Variants in SYT1 observed in about 807,000 individuals in gnomAD.
SYT1 encodes the protein synaptotagmin-1.
Under a neutral mutation model 44.8 loss-of-function variants are expected in SYT1, and 8 were observed. That is an observed-to-expected ratio of 0.18 (90% CI 0.10 to 0.32). The LOEUF is 0.32. SYT1 is among the 10% of genes least tolerant of loss of function. The pLI, the probability that SYT1 is intolerant of heterozygous loss-of-function variation, is 1.00. For synonymous variants in SYT1, 154 were observed against 188.8 expected (o/e 0.82, Z 1.51); for missense variants, 286 against 509.3 (o/e 0.56, Z 4.22).
At chr12:79,245,270 C>A (rs1452499966) in intron 4 of SYT1, among the ~76,000 whole-genome samples, 1 of 147,146 alleles carries the variant, frequency 6.8e-6, no homozygotes, top group East Asian at 2.0e-4. Flanking sequence ...TCCTGACCAT[C>A]CTGGCTAACA....
intron 1 of SYT1, among the ~76,000 whole-genome samples, chr12:78,954,075 C>A (rs1394603401): frequency 6.6e-6 from 1 of 152,048 alleles, no homozygotes; most frequent in Non-Finnish European, 1.5e-5. Flanking sequence ...GCTGCTACTT[C>A]ATTTGTGGCC....
intron 3 of SYT1, among the ~76,000 whole-genome samples, chr12:79,165,818 G>T (rs1871193374): frequency 6.6e-6 from 1 of 151,902 alleles, no homozygotes; most frequent in Admixed American, 6.6e-5. Flanking sequence ...TACATATTAG[G>T]TATGTTACAA....
chr12:79,447,359 T>C (rs1870794962), intron 10 of SYT1, among the ~76,000 whole-genome samples: 1 of 152,298 alleles, frequency 6.6e-6, no homozygotes, highest in East Asian at 1.9e-4. Context: ...CTTCTGTCTT[T>C]CTCTATCCCT....
chr12:79,399,176 A>T (rs1167076194), intron 9 of SYT1, among the ~76,000 whole-genome samples: 2 of 152,306 alleles, frequency 1.3e-5, no homozygotes, highest in East Asian at 3.9e-4. Flanking sequence ...ATGAATAAGA[A>T]GGAATATTCA....
At chr12:79,448,603 A>C (rs1325734728) in intron 10 of SYT1, among the ~76,000 whole-genome samples, 1 of 152,208 alleles carries the variant, frequency 6.6e-6, no homozygotes, top group African/African-American at 2.4e-5. Flanking sequence ...TCTGAAAACC[A>C]AACAACTCAT....
chr12:79,050,938 T>C (rs895053641), intron 3 of SYT1, among the ~76,000 whole-genome samples: 15 of 152,068 alleles, frequency 9.9e-5, no homozygotes, highest in Non-Finnish European at 1.6e-4. Flanking sequence ...AGGTCACCTA[T>C]TCTAATATTT....
chr12:79,022,202 C>T (rs1054716394), intron 2 of SYT1, among the ~76,000 whole-genome samples: 1 of 151,674 alleles, frequency 6.6e-6, no homozygotes, highest in Non-Finnish European at 1.5e-5. Context: ...CTGTGGAGAG[C>T]CATTATCTCA....
chr12:79,002,244 A>G (rs1027371021), intron 2 of SYT1, among the ~76,000 whole-genome samples: 5 of 152,150 alleles, frequency 3.3e-5, no homozygotes, highest in Non-Finnish European at 5.9e-5. Context: ...TTAAGCAAGA[A>G]CAAAGTGCAT....
chr12:79,308,525 G>GAAGA (rs1565901124), intron 8 of SYT1, among the ~76,000 whole-genome samples: 5 of 115,000 alleles, frequency 4.3e-5, no homozygotes, highest in African/African-American at 1.7e-4. Context: ...AAGAAAGAAA[G>GAAGA]AAGAAATAAA....
chr12:79,112,047 A>C (rs1879042845), intron 3 of SYT1, among the ~76,000 whole-genome samples: 2 of 151,874 alleles, frequency 1.3e-5, no homozygotes, highest in South Asian at 4.1e-4. Flanking sequence ...AAACACAAAG[A>C]ACTGCAATTC....
At position 79,450,115 on chromosome 12, in the gene SYT1, A is replaced by G. The variant is rs182819671; in HGVS notation, c.*991A>G. Reference sequence around the variant, plus strand: ...TTCTGTTCCAGATTTCACACCTACAATAATTCCAAAAGGTTTGCACATTAG... The same window carrying G: ...TTCTGTTCCAGATTTCACACCTACAGTAATTCCAAAAGGTTTGCACATTAG... On this transcript the variant is annotated 3_prime_UTR_variant, in exon 11 of 11. Transcript: ENST00000261205. 6.6e-6 allele frequency: 1 copy of G among 152,628 alleles called. No individual in the cohort carries two copies. Among genetic ancestry groups the G allele is most frequent in the Admixed American group, 6.5e-5 (1 of 15,298 alleles). The allele number at this position is 152,628 out of a possible 1,614,324, so 9.5% of individuals were successfully genotyped here. A position where few individuals can be genotyped will look rare whatever the true frequency, so the allele number is the denominator to read the frequency against.
At chr12:79,075,943 T>G (rs140675163) in intron 3 of SYT1, among the ~76,000 whole-genome samples, 202 of 152,252 alleles carry the variant, frequency 1.3e-3, no homozygotes, top group African/African-American at 4.7e-3. Flanking sequence ...TTCTAACCCA[T>G]AGCTAGGTTT....
chr12:79,043,560 T>C (rs930872012), intron 2 of SYT1, among the ~76,000 whole-genome samples: 51 of 151,404 alleles, frequency 3.4e-4, no homozygotes, highest in Admixed American at 2.3e-3. Context: ...AGCACACTGA[T>C]GGGTCTTGAC....
chr12:79,320,144 A>G (rs1356464952), intron 8 of SYT1, among the ~76,000 whole-genome samples: 2 of 152,200 alleles, frequency 1.3e-5, no homozygotes, highest in Non-Finnish European at 2.9e-5. Context: ...CCCAAAATTT[A>G]AAACTTTTTA....
chr12:79,103,512 T>TA (rs2138060950), intron 3 of SYT1, among the ~76,000 whole-genome samples: 1 of 152,132 alleles, frequency 6.6e-6, no homozygotes, highest in South Asian at 2.1e-4. Context: ...AAATTTTTTT[T>TA]AAAAAACTGA....
At chr12:79,372,442 C>G (rs1883828345) in intron 9 of SYT1, among the ~76,000 whole-genome samples, 1 of 152,140 alleles carries the variant, frequency 6.6e-6, no homozygotes, top group Non-Finnish European at 1.5e-5. Flanking sequence ...CACAGCCTAG[C>G]TATGTTGTTG....
intron 3 of SYT1, among the ~76,000 whole-genome samples, chr12:79,137,120 A>T (rs1349836374): frequency 6.6e-6 from 1 of 150,458 alleles, no homozygotes; most frequent in Admixed American, 6.6e-5. Context: ...CCCAAGATGG[A>T]GTTTCACTCT....
At chr12:79,089,863 G>T (rs887935870) in intron 3 of SYT1, among the ~76,000 whole-genome samples, 2 of 152,010 alleles carry the variant, frequency 1.3e-5, no homozygotes, top group African/African-American at 4.8e-5. Context: ...CCCCTGTGCA[G>T]GTTCATTTAT....
chr12:79,078,451 C>A (rs1164829886), intron 3 of SYT1, among the ~76,000 whole-genome samples: 1 of 152,094 alleles, frequency 6.6e-6, no homozygotes, highest in African/African-American at 2.4e-5. Flanking sequence ...CTTAATAAAA[C>A]AACATAATTA....
Sources: gnomAD v4.1 joint callset for allele counts (sites outside exome capture counted in the v4.1 genomes callset) on GRCh38, gnomAD v4.1.1 for gene constraint, MANE v1.5 for transcripts, NCBI Gene and HGNC (gene_info 2026-07-23, HGNC 2026-07-21) for gene names.